The following TBC1D31 variants were observed in gnomAD, a reference collection of about 807,000 sequenced individuals.
The protein encoded by TBC1D31 is TBC1 domain family member 31, also known as WD repeat domain 67.
A neutral mutation model predicts 132.9 loss-of-function variants in TBC1D31; 99 were observed. That is an observed-to-expected ratio of 0.74 (90% confidence interval 0.63 to 0.88). The LOEUF (loss-of-function observed/expected upper bound fraction) is 0.88, where lower values mean the gene tolerates loss of function less well. TBC1D31 is among the 40% of genes least tolerant of loss of function. TBC1D31 has a pLI of 0.00. For synonymous variants in TBC1D31, 385 were observed against 419.4 expected, an observed-to-expected ratio of 0.92 and a Z score of 1.00; for missense variants, 1,134 against 1,256.6, an observed-to-expected ratio of 0.90 and a Z score of 1.48.
intron 5 of TBC1D31, among the ~76,000 whole-genome samples, chr8:123,095,776 A>T (rs564516240): frequency 1.3e-5 from 2 of 152,284 alleles, no homozygotes; most frequent in South Asian, 4.2e-4. Flanking sequence ...GGAATCAGCC[A>T]TTTCTCTAAA....
intron 8 of TBC1D31, among the ~76,000 whole-genome samples, chr8:123,108,512 G>C (rs1170636194): frequency 6.6e-6 from 1 of 152,138 alleles, no homozygotes; most frequent in Non-Finnish European, 1.5e-5. Context: ...GAGAGAGGTG[G>C]GGGAGGAGCG....
chr8:123,098,770 C>T (rs898323749), intron 6 of TBC1D31, among the ~76,000 whole-genome samples: 1 of 152,208 alleles, frequency 6.6e-6, no homozygotes, highest in Non-Finnish European at 1.5e-5. Flanking sequence ...TCATTTCACA[C>T]ATCCTCTTTG....
intron 10 of TBC1D31, among the ~76,000 whole-genome samples, chr8:123,117,168 C>T (rs572222909): frequency 6.6e-6 from 1 of 151,658 alleles, no homozygotes; most frequent in Non-Finnish European, 1.5e-5. Flanking sequence ...TGCAAAAATT[C>T]GCTGGGCATG....
intron 5 of TBC1D31, among the ~76,000 whole-genome samples, chr8:123,094,031 A>G (rs113079250): frequency 1.3e-5 from 2 of 151,902 alleles, no homozygotes; most frequent in Non-Finnish European, 2.9e-5. Context: ...ATATTTCCAT[A>G]AGCTACAATA....
At position 123,078,096 on chromosome 8, in the gene TBC1D31, C is replaced by G. The variant is rs2129660636; in HGVS notation, c.224+839C>G. Reference sequence around the variant, plus strand: ...TTTCACTCTTCTTCCTCTTCTCTTCCCTTGTGAAACAATTTAGTCCGAAAG... The same window carrying G: ...TTTCACTCTTCTTCCTCTTCTCTTCGCTTGTGAAACAATTTAGTCCGAAAG... On this transcript the variant is annotated intron_variant, in intron 2 of 21. Coordinates refer to ENST00000287380, the MANE Select transcript of TBC1D31 (RefSeq NM_145647.4). Among the ~76,000 whole-genome samples the G allele has an allele frequency of 2.0e-5, 3 of 152,256 alleles. No homozygotes were observed. In the South Asian group the frequency reaches 6.2e-4, roughly 32 times the overall value.
At position 123,129,198 on chromosome 8, in the gene TBC1D31, A is replaced by G. The variant is rs917823826; in HGVS notation, c.2250A>G (p.Lys750=). 1.9e-6 allele frequency: 3 copies of G among 1,599,006 alleles called. No individual in the cohort carries two copies. The highest frequency in any genetic ancestry group is 2.6e-6 in the Non-Finnish European group (3 of 1,169,386). The change falls in exon 15 of 22, where the codon AAA becomes AAG. Residue 750 remains lysine, a synonymous_variant. Coordinates refer to ENST00000287380, the MANE Select transcript of TBC1D31 (RefSeq NM_145647.4). The part of the protein sequence containing the change: ...RREMLLQEEE[K]MIQQRQRLAA... The stretch of plus-strand genomic sequence containing the variant: ...AAATGCTCTTACAAGAGGAGGAGAA[A>G]ATGATACAACAAAGACAGAGGTATG...
intron 7 of TBC1D31, chr8:123,103,212 T>C (rs1266910948): frequency 6.6e-6 from 1 of 151,314 alleles, no homozygotes; most frequent in Non-Finnish European, 1.5e-5. Context: ...TGTACGCACA[T>C]GTGTGTGTAT....
chr8:123,098,639 T>C (rs1197192631), intron 6 of TBC1D31, among the ~76,000 whole-genome samples: 1 of 152,234 alleles, frequency 6.6e-6, no homozygotes, highest in Non-Finnish European at 1.5e-5. Context: ...AGAACTTCTT[T>C]CTTTTTCACA....
In TBC1D31 at chr8:123,082,825, G is replaced by C; in HGVS notation, c.340+8G>C. 6.4e-7 allele frequency: 1 copy of C among 1,571,992 alleles called. No homozygotes were observed. On this transcript the variant is annotated splice_region_variant and intron_variant, in intron 3 of 21. Transcript: ENST00000287380. ...TTAAATGTTTTGATACAGGTAAGAAGTTCTCCTATTTTTCTTTTGAAGCAG... is the reference window on the plus strand; with the variant it reads ...TTAAATGTTTTGATACAGGTAAGAACTTCTCCTATTTTTCTTTTGAAGCAG...
intron 10 of TBC1D31, among the ~76,000 whole-genome samples, chr8:123,114,736 G>T (rs1031289484): frequency 2.0e-5 from 3 of 152,096 alleles, no homozygotes; most frequent in African/African-American, 7.2e-5. Flanking sequence ...GAAAAAATCA[G>T]CACCTCTTCC....
At chr8:123,085,548 C>T (rs945204674) in intron 4 of TBC1D31, among the ~76,000 whole-genome samples, 6 of 152,166 alleles carry the variant, frequency 3.9e-5, no homozygotes, top group African/African-American at 1.4e-4. Flanking sequence ...CATTCTCCTG[C>T]CTCAGCCTCC....
rs574843337 is a variant in TBC1D31, at chr8:123,095,613, T to C, written c.672-1669T>C. 2.1e-4 allele frequency among the ~76,000 whole-genome samples: 32 copies of C among 152,352 alleles called. No individual in the cohort carries two copies. The South Asian group carries it at 2.7e-3, about 13-fold the overall frequency. On this transcript the variant is annotated intron_variant, in intron 5 of 21. Coordinates refer to ENST00000287380, the MANE Select transcript of TBC1D31 (RefSeq NM_145647.4). The stretch of plus-strand genomic sequence containing the variant: ...ACATTGCAGCTGTCATTCTTAGAGA[T>C]GTTCCAATTCTCTCATCTTTGACTA...
chr8:123,162,598 G>A, the TBC1D31 span, among the ~76,000 whole-genome samples: 1 of 152,182 alleles, frequency 6.6e-6, no homozygotes, highest in Non-Finnish European at 1.5e-5. Flanking sequence ...ACAGGGATGA[G>A]CAATGTCCAG....
chr8:123,163,391 G>C, the TBC1D31 span, among the ~76,000 whole-genome samples: 2 of 104,596 alleles, frequency 1.9e-5, no homozygotes, highest in East Asian at 6.5e-4. Context: ...TTGAGATAGA[G>C]TCTTGCTCTG....
rs146419869 is a variant in TBC1D31 at position 123,077,163 on chromosome 8, C to A, written c.130C>A (p.Arg44=). The change falls in exon 2 of 22, where the codon CGA becomes AGA. Residue 44 remains arginine, a synonymous_variant. Transcript: ENST00000287380. The part of the protein sequence containing the change: ...NTSDYHPKVL[R]FLNVAFDGTG... ...TTCCGATTACCATCCAAAAGTTTTG[C>A]GATTTTTGAATGTGGCTTTTGATGG... The A allele has an allele frequency of 9.3e-6, 15 of 1,611,902 alleles. No homozygotes were observed. The South Asian group carries it at 1.7e-4, about 18-fold the overall frequency.
chr8:123,101,757 C>A (rs1817445016), intron 7 of TBC1D31, among the ~76,000 whole-genome samples: 1 of 152,140 alleles, frequency 6.6e-6, no homozygotes, highest in Admixed American at 6.5e-5. Flanking sequence ...TGTCTGTTCT[C>A]CACTTCCATA....
intron 16 of TBC1D31, among the ~76,000 whole-genome samples, chr8:123,133,906 T>C (rs1402229431): frequency 1.3e-5 from 2 of 152,218 alleles, no homozygotes; most frequent in South Asian, 2.1e-4. Context: ...GTGCTTTTTA[T>C]TTTTAAATTA....
chr8:123,101,025 A>G lies in TBC1D31; in HGVS notation c.1032+18A>G. Reference sequence around the variant, plus strand: ...TAAATAAGGTATGTATGATGAAGTAATCAACATCAGCTTTTTATAAACACT... The same window carrying G: ...TAAATAAGGTATGTATGATGAAGTAGTCAACATCAGCTTTTTATAAACACT... On this transcript the variant is annotated intron_variant, in intron 7 of 21. Coordinates refer to ENST00000287380, the MANE Select transcript of TBC1D31 (RefSeq NM_145647.4). The G allele has an allele frequency of 6.5e-7, 1 of 1,549,588 alleles. No individual in the cohort carries two copies. Among genetic ancestry groups the G allele is most frequent in the Non-Finnish European group, 8.9e-7 (1 of 1,121,984 alleles).
Position 123,151,898 on chromosome 8 carries a change from G to T in TBC1D31, c.3160G>T (p.Ala1054Ser). 6.3e-7 allele frequency: 1 copy of T among 1,586,612 alleles called. No homozygotes were observed. The highest frequency in any genetic ancestry group is 8.6e-7 in the Non-Finnish European group (1 of 1,169,574). The change falls in exon 22 of 22, where the codon GCT (alanine) becomes TCT (serine). Residue 1054 changes from alanine (A) to serine (S), a missense_variant. Ala to Ser is a moderately conservative substitution (Grantham distance 99, BLOSUM62 1). Coordinates refer to ENST00000287380, the MANE Select transcript of TBC1D31 (RefSeq NM_145647.4). ...RNLRQRLTAR[A>S]RHRCQTPHLL... ...TCTTCGCCAGAGACTCACTGCCCGGGCTCGTCACAGATGTCAAACCCCTCA... is the reference window on the plus strand; with the variant it reads ...TCTTCGCCAGAGACTCACTGCCCGGTCTCGTCACAGATGTCAAACCCCTCA...
Sources: gnomAD v4.1 joint callset for allele counts (sites outside exome capture counted in the v4.1 genomes callset) on GRCh38, gnomAD v4.1.1 for gene constraint, MANE v1.5 for transcripts, NCBI Gene and HGNC (gene_info 2026-07-23, HGNC 2026-07-21) for gene names.